Variants in TAS2R1 observed in about 807,000 individuals in gnomAD.
The protein encoded by TAS2R1 is taste receptor type 2 member 1.
For synonymous variants in TAS2R1, 141 were observed against 134.2 expected, an observed-to-expected ratio of 1.05 and a Z score of -0.35; for missense variants, 370 against 353.4, an observed-to-expected ratio of 1.05 and a Z score of -0.38.
At chr5:9,870,405 T>C in the TAS2R1 span, among the ~76,000 whole-genome samples, 146 of 152,340 alleles carry the variant, frequency 9.6e-4, no homozygotes, top group Middle Eastern at 0.027. Flanking sequence ...ACCTTCTCTT[T>C]CCTCACACTT....
the TAS2R1 span, among the ~76,000 whole-genome samples, chr5:9,881,171 A>C: frequency 0.013 from 1,992 of 152,168 alleles, 45 homozygotes; most frequent in African/African-American, 0.045. Flanking sequence ...ATACAAAATC[A>C]ATGTGCAAAA....
chr5:9,703,234 C>A (rs1175022680), intron 1 of TAS2R1, among the ~76,000 whole-genome samples: 1 of 152,108 alleles, frequency 6.6e-6, no homozygotes, highest in Non-Finnish European at 1.5e-5. Context: ...TTCATCATGG[C>A]CATGGCTTGT....
At chr5:9,677,471 C>A (rs1733847584) in intron 1 of TAS2R1, among the ~76,000 whole-genome samples, 2 of 151,892 alleles carry the variant, frequency 1.3e-5, no homozygotes, top group South Asian at 4.1e-4. Context: ...ATTTGCAGGC[C>A]TCATATCTTA....
intron 2 of TAS2R1, among the ~76,000 whole-genome samples, chr5:9,635,474 G>A (rs983823748): frequency 6.6e-6 from 1 of 152,122 alleles, no homozygotes; most frequent in East Asian, 1.9e-4. Flanking sequence ...ATGACATAAG[G>A]AGGATTCCCT....
At chr5:9,854,648 G>T in the TAS2R1 span, 1 of 152,190 alleles carries the variant, frequency 6.6e-6, no homozygotes, top group African/African-American at 2.4e-5. Context: ...GATTGCTAAA[G>T]TAAGAGGATC....
At chr5:9,875,629 T>A in the TAS2R1 span, among the ~76,000 whole-genome samples, 1 of 152,196 alleles carries the variant, frequency 6.6e-6, no homozygotes, top group Admixed American at 6.5e-5. Context: ...CTGGCCAGCA[T>A]TGACCATTCT....
chr5:9,809,615 C>T, the TAS2R1 span, among the ~76,000 whole-genome samples: 2 of 152,142 alleles, frequency 1.3e-5, no homozygotes, highest in Non-Finnish European at 2.9e-5. Context: ...GTTATTTAAG[C>T]CACCCAGTCT....
chr5:9,842,721 T>G, the TAS2R1 span, among the ~76,000 whole-genome samples: 59 of 152,078 alleles, frequency 3.9e-4, no homozygotes, highest in Non-Finnish European at 8.5e-4. Context: ...TTATCTCTAC[T>G]CCTAGAGTCT....
intron 1 of TAS2R1, among the ~76,000 whole-genome samples, chr5:9,662,796 G>A (rs1005806516): frequency 3.9e-5 from 6 of 152,272 alleles, no homozygotes; most frequent in East Asian, 1.9e-4. Context: ...TGTCATTTCC[G>A]TAAGAAATTT....
upstream of TAS2R1, among the ~76,000 whole-genome samples, chr5:9,633,709 G>A (rs916059889): frequency 7.2e-5 from 11 of 151,856 alleles, no homozygotes; most frequent in African/African-American, 2.7e-4. Context: ...GTGATGTTGA[G>A]CATTTTTTTC....
the TAS2R1 span, among the ~76,000 whole-genome samples, chr5:9,833,024 T>G: frequency 1.4e-4 from 21 of 152,220 alleles, no homozygotes; most frequent in Non-Finnish European, 2.5e-4. Flanking sequence ...AGGCAGAGGC[T>G]TTCAGGACAT....
the TAS2R1 span, among the ~76,000 whole-genome samples, chr5:9,841,207 CT>C: frequency 6.6e-6 from 1 of 152,136 alleles, no homozygotes; most frequent in Non-Finnish European, 1.5e-5. Context: ...TTTTTGCAAG[CT>C]TACTTTGAAT....
In TAS2R1 at chr5:9,655,993, A is replaced by G. The variant is rs537099188; in HGVS notation, c.-81+3428T>C. 9.2e-5 allele frequency among the ~76,000 whole-genome samples: 14 copies of G among 152,034 alleles called. No individual in the cohort carries two copies. The South Asian group carries it at 2.9e-3, about 32-fold the overall frequency. ...CTCAGGTAGCTTCCCCTGACTCTCA[A>G]TGCTAATAGGAGCCCTGCTTTGCAA... On this transcript the variant is annotated intron_variant, in intron 2 of 2. Coordinates refer to the TAS2R1 transcript ENST00000506620.
At chr5:9,750,186 C>T in the TAS2R1 span, among the ~76,000 whole-genome samples, 1 of 152,200 alleles carries the variant, frequency 6.6e-6, no homozygotes, top group African/African-American at 2.4e-5. Flanking sequence ...CTGCACCCCT[C>T]TACGGAGGAC....
At chr5:9,762,125 C>T in the TAS2R1 span, among the ~76,000 whole-genome samples, 7 of 152,292 alleles carry the variant, frequency 4.6e-5, no homozygotes, top group Admixed American at 2.6e-4. Flanking sequence ...CAGCCTCACA[C>T]TGGTAATAAT....
the TAS2R1 span, among the ~76,000 whole-genome samples, chr5:9,775,416 T>C: frequency 7.4e-4 from 113 of 152,096 alleles, 2 homozygotes; most frequent in South Asian, 0.022. Flanking sequence ...TACTTGGTGC[T>C]CCATCCCACT....
chr5:9,750,109 G>A, the TAS2R1 span, among the ~76,000 whole-genome samples: 3 of 152,228 alleles, frequency 2.0e-5, no homozygotes, highest in East Asian at 3.9e-4. Context: ...GAGATCCAAG[G>A]GCAGAAACTG....
the TAS2R1 span, among the ~76,000 whole-genome samples, chr5:9,832,819 A>G: frequency 6.6e-6 from 1 of 152,222 alleles, no homozygotes. Context: ...GACAGGTCTC[A>G]ATCAATTTAG....
chr5:9,863,127 T>C, the TAS2R1 span: 1 of 152,050 alleles, frequency 6.6e-6, no homozygotes, highest in East Asian at 1.9e-4. Context: ...AATATGAAAA[T>C]ATAATATCAT....
Sources: gnomAD v4.1 joint callset for allele counts (sites outside exome capture counted in the v4.1 genomes callset) on GRCh38, gnomAD v4.1.1 for gene constraint, MANE v1.5 for transcripts, NCBI Gene and HGNC (gene_info 2026-07-23, HGNC 2026-07-21) for gene names.